PKD2: variants seen among roughly 807,000 people sequenced by gnomAD.
PKD2 encodes the protein polycystin 2, transient receptor potential cation channel.
In PKD2, 48 loss-of-function variants were observed where a neutral mutation model predicts 105.9. That is an observed-to-expected ratio of 0.45 (90% CI 0.36 to 0.58). PKD2 has a LOEUF of 0.58. Among genes scored for constraint, PKD2 ranks in the 20% least tolerant of loss-of-function variants. PKD2 has a pLI of 0.00. For missense variants in PKD2, 1,078 were observed against 1,255.3 expected (o/e 0.86, Z 2.13); for synonymous variants, 464 against 481.1 (o/e 0.96, Z 0.46).
At chr4:88,018,542 G>T (rs976992881) in intron 1 of PKD2, among the ~76,000 whole-genome samples, 5 of 152,060 alleles carry the variant, frequency 3.3e-5, no homozygotes, top group Non-Finnish European at 7.4e-5. Flanking sequence ...TGAGAGGTTT[G>T]TCTTTTTTGG....
intron 1 of PKD2, among the ~76,000 whole-genome samples, chr4:88,014,387 C>T (rs1280275610): frequency 6.6e-6 from 1 of 151,732 alleles, no homozygotes; most frequent in East Asian, 1.9e-4. Context: ...CACGGTGGCA[C>T]ACGCCTTTAA....
At chr4:88,022,993 A>G (rs936845774) in intron 2 of PKD2, among the ~76,000 whole-genome samples, 2 of 152,092 alleles carry the variant, frequency 1.3e-5, no homozygotes, top group African/African-American at 2.4e-5. Flanking sequence ...AGGTGGGAAA[A>G]TTGTTTGAAG....
chr4:88,058,155 T>C (rs377575775), intron 9 of PKD2, 52 bp downstream of exon 9: 67 of 1,136,910 alleles, frequency 5.9e-5, no homozygotes, highest in Non-Finnish European at 8.4e-5. Flanking sequence ...CGTAAATCCT[T>C]GTCTTCTCTT....
rs886059707 is a variant in PKD2 at position 88,076,869 on chromosome 4, T to A, written c.*1175T>A. 1 of 152,192 alleles carries A rather than the reference T, an allele frequency of 6.6e-6. No homozygotes were observed. The highest frequency in any genetic ancestry group is 1.5e-5 in the Non-Finnish European group (1 of 68,050). The allele number at this position is 152,192 out of a possible 1,614,324, so 9.4% of individuals were successfully genotyped here. A position where few individuals can be genotyped will look rare whatever the true frequency, so the allele number is the denominator to read the frequency against. ...TATAGTACTCAAGTATTCTTGATCC[T>A]GTGTTTCAAAACTAGAATTTGTAAT... On this transcript the variant is annotated 3_prime_UTR_variant, in exon 15 of 15. Transcript: ENST00000237596.
chr4:88,048,848 A>G (rs572187175), intron 6 of PKD2, among the ~76,000 whole-genome samples: 1 of 152,228 alleles, frequency 6.6e-6, no homozygotes, highest in South Asian at 2.1e-4. Flanking sequence ...AGAGACGATA[A>G]TACTGGAAAT....
chr4:88,047,383 C>T (rs1252124168), intron 6 of PKD2, among the ~76,000 whole-genome samples: 1 of 151,418 alleles, frequency 6.6e-6, no homozygotes, highest in African/African-American at 2.4e-5. Context: ...ATAGTGAGAC[C>T]CTGTCTTTAC....
chr4:88,034,388 G>C (rs1259832500), intron 2 of PKD2, among the ~76,000 whole-genome samples: 5 of 151,804 alleles, frequency 3.3e-5, no homozygotes, highest in Admixed American at 3.3e-4. Flanking sequence ...GGAAAGAGGG[G>C]CCAGGTGTGG....
In PKD2 at chr4:88,051,999, G is replaced by T; in HGVS notation, c.1557G>T (p.Val519=). The change falls in exon 7 of 15, where the codon GTG becomes GTT. Residue 519 remains valine, a synonymous_variant. Coordinates refer to ENST00000237596, the MANE Select transcript of PKD2 (RefSeq NM_000297.4). ...AATATTTTGCTTTTCAGCTGTCAGTGGTAGCTATAGGAATTAACATATACA... is the reference window on the plus strand; with the variant it reads ...AATATTTTGCTTTTCAGCTGTCAGTTGTAGCTATAGGAATTAACATATACA... ...CLDVVIVVLS[V]VAIGINIYRT... is the part of the protein sequence containing the mutation. 1 of 1,576,658 alleles carries T rather than the reference G, an allele frequency of 6.3e-7. No homozygotes were observed. Among genetic ancestry groups the T allele is most frequent in the South Asian group, 1.1e-5 (1 of 89,788 alleles).
chr4:88,014,379 C>T (rs919178971), intron 1 of PKD2, among the ~76,000 whole-genome samples: 1 of 151,646 alleles, frequency 6.6e-6, no homozygotes, highest in Non-Finnish European at 1.5e-5. Flanking sequence ...AGGCCAGGCA[C>T]GGTGGCACAC....
At chr4:88,072,929 G>A (rs145177563) in intron 13 of PKD2, among the ~76,000 whole-genome samples, 1,655 of 151,796 alleles carry the variant, frequency 0.011, 28 homozygotes, top group African/African-American at 0.038. Flanking sequence ...CCAGCTACTC[G>A]GGAGCCTGAA....
chr4:88,008,975 A>C (rs1726297352), intron 1 of PKD2, among the ~76,000 whole-genome samples: 1 of 152,236 alleles, frequency 6.6e-6, no homozygotes, highest in South Asian at 2.1e-4. Context: ...CATTTTTCTA[A>C]AAACAGTTGC....
intron 4 of PKD2, among the ~76,000 whole-genome samples, chr4:88,041,421 G>T (rs1253131538): frequency 6.6e-6 from 1 of 152,172 alleles, no homozygotes; most frequent in Non-Finnish European, 1.5e-5. Flanking sequence ...GAAGGACTCA[G>T]CATAGAGGCA....
At chr4:88,055,980 A>T (rs1309337783) in intron 7 of PKD2, 106 bp from the exon 8 acceptor site, 6 of 814,020 alleles carry the variant, frequency 7.4e-6, no homozygotes, top group Non-Finnish European at 1.3e-5. Context: ...CCATGTTGTA[A>T]CCTGTCAGAA....
At chr4:88,055,258 T>G (rs961864005) in intron 7 of PKD2, among the ~76,000 whole-genome samples, 7 of 152,200 alleles carry the variant, frequency 4.6e-5, no homozygotes, top group Non-Finnish European at 8.8e-5. Flanking sequence ...CATAAAGCCC[T>G]CCACATATAA....
chr4:88,059,235 A>G (rs190577548), intron 9 of PKD2, among the ~76,000 whole-genome samples: 81 of 152,304 alleles, frequency 5.3e-4, no homozygotes, highest in Middle Eastern at 6.8e-3. Context: ...CAGGAATATC[A>G]TTCAAGTTCA....
chr4:88,015,453 C>G (rs1433414727), intron 1 of PKD2, among the ~76,000 whole-genome samples: 1 of 152,200 alleles, frequency 6.6e-6, no homozygotes, highest in Non-Finnish European at 1.5e-5. Flanking sequence ...CACTCTTTTG[C>G]CCAGGTTGGA....
At chr4:88,043,567 A>G in intron 5 of PKD2, 110 bp downstream of exon 5, 1 of 751,906 alleles carries the variant, frequency 1.3e-6, no homozygotes, top group East Asian at 2.6e-5. Flanking sequence ...TGAGGATGCC[A>G]AGGACCCAGA....
At chr4:88,041,442 T>A (rs533692690) in intron 4 of PKD2, among the ~76,000 whole-genome samples, 2 of 152,240 alleles carry the variant, frequency 1.3e-5, no homozygotes, top group African/African-American at 4.8e-5. Flanking sequence ...TCCTTACAGC[T>A]AAGGTTTATT....
chr4:88,066,749 CAG>C (rs1451332705), intron 12 of PKD2, among the ~76,000 whole-genome samples: 3 of 148,222 alleles, frequency 2.0e-5, no homozygotes, highest in Non-Finnish European at 2.9e-5. Context: ...CTTTTATAGT[CAG>C]AAAAAAAAAT....
Sources: gnomAD v4.1 joint callset for allele counts (sites outside exome capture counted in the v4.1 genomes callset) on GRCh38, gnomAD v4.1.1 for gene constraint, MANE v1.5 for transcripts, NCBI Gene and HGNC (gene_info 2026-07-23, HGNC 2026-07-21) for gene names.